The following CDH13 variants were observed in gnomAD, a reference collection of about 807,000 sequenced individuals.
CDH13 encodes the protein cadherin-13.
A neutral mutation model predicts 63.8 loss-of-function variants in CDH13; 24 were observed. The observed-to-expected ratio is 0.38, with a 90% CI of 0.27 to 0.53. CDH13 has a LOEUF of 0.53. Among genes scored for constraint, CDH13 ranks in the 20% least tolerant of loss-of-function variants. The pLI, the probability that CDH13 is intolerant of heterozygous loss-of-function variation, is 0.85. For missense variants in CDH13, 1,049 were observed against 903.1 expected (o/e 1.16, Z -2.07); for synonymous variants, 503 against 355.3 (o/e 1.42, Z -4.67).
At chr16:83,697,666 G>C (rs576687358) in intron 10 of CDH13, among the ~76,000 whole-genome samples, 2 of 152,304 alleles carry the variant, frequency 1.3e-5, no homozygotes, top group Middle Eastern at 3.4e-3. Context: ...AATGGTTTTT[G>C]AGACAGAGTC....
At chr16:83,381,724 A>G (rs1406297218) in intron 6 of CDH13, among the ~76,000 whole-genome samples, 5 of 151,898 alleles carry the variant, frequency 3.3e-5, no homozygotes, top group African/African-American at 7.3e-5. Flanking sequence ...TAGGGATTAA[A>G]AAAAAAAAAG....
At chr16:83,037,730 G>A (rs767018363) in intron 3 of CDH13, among the ~76,000 whole-genome samples, 3 of 152,184 alleles carry the variant, frequency 2.0e-5, no homozygotes, top group African/African-American at 4.8e-5. Flanking sequence ...CAGCATAGTG[G>A]TGGGAGTTTT....
At chr16:83,787,309 G>C (rs9932224) in intron 13 of CDH13, among the ~76,000 whole-genome samples, 1 of 152,034 alleles carries the variant, frequency 6.6e-6, no homozygotes, top group African/African-American at 2.4e-5. Context: ...TTTATTGTTT[G>C]TTTGTTTGTT....
intron 1 of CDH13, among the ~76,000 whole-genome samples, chr16:82,720,986 C>A (rs574738655): frequency 6.6e-6 from 1 of 152,150 alleles, no homozygotes; most frequent in Non-Finnish European, 1.5e-5. Context: ...TTAGCTCTCC[C>A]CACATGATTA....
intron 6 of CDH13, among the ~76,000 whole-genome samples, chr16:83,439,996 G>A (rs2072436050): frequency 6.6e-6 from 1 of 152,218 alleles, no homozygotes; most frequent in South Asian, 2.1e-4. Context: ...GAGTAGGGCT[G>A]ATGTGGTAGA....
chr16:83,436,880 A>T (rs2072321206), intron 6 of CDH13, among the ~76,000 whole-genome samples: 1 of 152,208 alleles, frequency 6.6e-6, no homozygotes, highest in Non-Finnish European at 1.5e-5. Flanking sequence ...CTCTTTATGG[A>T]TAAACAGGCC....
chr16:83,199,666 A>G (rs1237228792), intron 4 of CDH13, among the ~76,000 whole-genome samples: 2 of 152,134 alleles, frequency 1.3e-5, no homozygotes, highest in Non-Finnish European at 2.9e-5. Flanking sequence ...TGACTGTTAC[A>G]TGTTGTGTTT....
chr16:83,006,113 C>G (rs1211139286), intron 2 of CDH13, among the ~76,000 whole-genome samples: 1 of 152,200 alleles, frequency 6.6e-6, no homozygotes, highest in Non-Finnish European at 1.5e-5. Context: ...CTGGCGTCAG[C>G]TCTCCTTTAA....
intron 5 of CDH13, among the ~76,000 whole-genome samples, chr16:83,225,535 G>T (rs2039813821): frequency 6.6e-6 from 1 of 152,218 alleles, no homozygotes. Context: ...TCAGAAGATT[G>T]GAGTTGGAAC....
chr16:83,502,501 T>A (rs571260309), intron 7 of CDH13, among the ~76,000 whole-genome samples: 7 of 152,262 alleles, frequency 4.6e-5, no homozygotes, highest in Admixed American at 2.6e-4. Context: ...TGTAAGAGAA[T>A]AAAGTCACAT....
intron 1 of CDH13, among the ~76,000 whole-genome samples, chr16:82,788,381 CTG>C (rs2036126671): frequency 6.6e-6 from 1 of 152,166 alleles, no homozygotes. Flanking sequence ...TGCAGGCCTC[CTG>C]GACGACCGCC....
intron 5 of CDH13, among the ~76,000 whole-genome samples, chr16:83,265,237 A>G (rs182684659): frequency 2.6e-5 from 4 of 152,032 alleles, no homozygotes; most frequent in African/African-American, 9.7e-5. Flanking sequence ...CTGGCCATCA[A>G]ACTGGGAACT....
intron 2 of CDH13, among the ~76,000 whole-genome samples, chr16:82,898,662 T>G (rs1481860564): frequency 6.6e-6 from 1 of 152,202 alleles, no homozygotes; most frequent in African/African-American, 2.4e-5. Context: ...GGGGAATGTT[T>G]ACAGAGGTGG....
At chr16:83,122,390 A>G (rs1015497091) in intron 3 of CDH13, among the ~76,000 whole-genome samples, 3 of 152,232 alleles carry the variant, frequency 2.0e-5, no homozygotes, top group Non-Finnish European at 4.4e-5. Context: ...ATTTAAAATG[A>G]TACAAAGTTT....
At chr16:82,663,614 G>C (rs536126237) in intron 1 of CDH13, among the ~76,000 whole-genome samples, 17 of 152,326 alleles carry the variant, frequency 1.1e-4, no homozygotes, top group Admixed American at 1.1e-3. Flanking sequence ...AAGTTCAAAA[G>C]CATCTTGCTT....
chr16:82,798,281 T>C (rs1392710891), intron 1 of CDH13, among the ~76,000 whole-genome samples: 1 of 152,172 alleles, frequency 6.6e-6, no homozygotes, highest in Non-Finnish European at 1.5e-5. Flanking sequence ...AGCATTTTCG[T>C]AGGAGCCGCA....
intron 10 of CDH13, among the ~76,000 whole-genome samples, chr16:83,713,297 C>G (rs554597518): frequency 3.6e-4 from 55 of 152,324 alleles, no homozygotes; most frequent in African/African-American, 1.2e-3. Flanking sequence ...GGTTACTCCA[C>G]CAGGGAGCTC....
At chr16:83,672,409 C>CTCTTT (rs1914579088) in intron 9 of CDH13, among the ~76,000 whole-genome samples, 4 of 35,110 alleles carry the variant, frequency 1.1e-4, no homozygotes, top group Admixed American at 1.1e-3. Flanking sequence ...TCTGGATTCT[C>CTCTTT]TTTTTTTTTT....
chr16:82,697,778 TG>T (rs879883300), intron 1 of CDH13, among the ~76,000 whole-genome samples: 5,194 of 107,100 alleles, frequency 0.048, 171 homozygotes, highest in African/African-American at 0.11. Flanking sequence ...TGTGTGTGTG[TG>T]TGTGTGTGTA....
Sources: allele counts gnomAD v4.1 joint callset (sites outside exome capture counted in the v4.1 genomes callset), GRCh38; gene constraint gnomAD v4.1.1; transcripts MANE v1.5; gene names NCBI Gene and HGNC (gene_info 2026-07-23, HGNC 2026-07-21).